The following EYS variants were observed in gnomAD, a reference collection of about 807,000 sequenced individuals.
The protein encoded by EYS is EGF-like photoreceptor maintenance factor.
EYS carries 250 observed loss-of-function variants against 282.1 expected under a neutral mutation model. The observed-to-expected ratio is 0.89, with a 90% confidence interval of 0.80 to 0.98. EYS has a LOEUF of 0.98. Ranked by LOEUF, EYS falls within the 50% of genes least tolerant of loss-of-function variation. The pLI is 0.00. For missense variants in EYS, 4,016 were observed against 3,709.0 expected (o/e 1.08, Z -2.15); for synonymous variants, 1,355 against 1,282.9 (o/e 1.06, Z -1.20).
chr6:65,125,781 A>G (rs1775701517), intron 12 of EYS, among the ~76,000 whole-genome samples: 1 of 152,020 alleles, frequency 6.6e-6, no homozygotes, highest in Admixed American at 6.6e-5. Context: ...ACCTCCTAAC[A>G]ATAAGGATCC....
At chr6:65,108,287 TA>T (rs780171367) in intron 12 of EYS, among the ~76,000 whole-genome samples, 1 of 139,224 alleles carries the variant, frequency 7.2e-6, no homozygotes, top group African/African-American at 2.8e-5. Flanking sequence ...AGGTTGACTT[TA>T]AAAAAATTAC....
chr6:64,100,348 C>T (rs1216618108), intron 31 of EYS, among the ~76,000 whole-genome samples: 1 of 152,010 alleles, frequency 6.6e-6, no homozygotes, highest in Non-Finnish European at 1.5e-5. Flanking sequence ...TATTACATTG[C>T]CTGGAATTTT....
intron 35 of EYS, among the ~76,000 whole-genome samples, chr6:63,977,753 T>C (rs2149787954): frequency 6.6e-6 from 1 of 152,078 alleles, no homozygotes; most frequent in Non-Finnish European, 1.5e-5. Context: ...ACAAAATCAA[T>C]ACAGAACCAT....
At chr6:64,877,387 C>T (rs1197314131) in intron 19 of EYS, among the ~76,000 whole-genome samples, 1 of 152,034 alleles carries the variant, frequency 6.6e-6, no homozygotes, top group African/African-American at 2.4e-5. Context: ...ATTCATAGAA[C>T]ATATTTGGGA....
At chr6:64,792,158 T>TGTCA (rs1048039959) in intron 22 of EYS, among the ~76,000 whole-genome samples, 29 of 151,896 alleles carry the variant, frequency 1.9e-4, no homozygotes, top group Non-Finnish European at 2.4e-4. Context: ...TATGGTATGA[T>TGTCA]GTCAGGTGGA....
At chr6:64,782,165 T>C (rs1562188913) in intron 22 of EYS, among the ~76,000 whole-genome samples, 1 of 152,250 alleles carries the variant, frequency 6.6e-6, no homozygotes, top group African/African-American at 2.4e-5. Context: ...AACAAGAATG[T>C]TGTAGAAACA....
intron 29 of EYS, among the ~76,000 whole-genome samples, chr6:64,314,311 A>T (rs375581768): frequency 2.6e-5 from 4 of 152,002 alleles, no homozygotes; most frequent in African/African-American, 4.8e-5. Flanking sequence ...TGGTAAAGGG[A>T]TTAATGCAAC....
At chr6:65,035,829 C>A (rs908920254) in intron 13 of EYS, among the ~76,000 whole-genome samples, 4 of 150,352 alleles carry the variant, frequency 2.7e-5, no homozygotes, top group African/African-American at 9.7e-5. Flanking sequence ...GCTATCCAGG[C>A]TCTTTTCTGG....
intron 2 of EYS, among the ~76,000 whole-genome samples, chr6:65,520,557 G>C (rs1026584248): frequency 6.6e-6 from 1 of 151,600 alleles, no homozygotes; most frequent in Non-Finnish European, 1.5e-5. Flanking sequence ...TTATTGCAGA[G>C]GTACAATTAT....
chr6:65,019,539 C>T (rs894714510), intron 13 of EYS, among the ~76,000 whole-genome samples: 2 of 152,138 alleles, frequency 1.3e-5, no homozygotes, highest in African/African-American at 4.8e-5. Context: ...CATCACACAA[C>T]TCATAGGTTT....
chr6:64,801,919 C>T (rs796554367), intron 22 of EYS, among the ~76,000 whole-genome samples: 33 of 151,652 alleles, frequency 2.2e-4, no homozygotes, highest in African/African-American at 7.7e-4. Flanking sequence ...TTGCCTATCT[C>T]ATGAAGTCCC....
intron 33 of EYS, among the ~76,000 whole-genome samples, chr6:64,036,025 G>A (rs1002013417): frequency 6.6e-6 from 1 of 152,144 alleles, no homozygotes; most frequent in Non-Finnish European, 1.5e-5. Flanking sequence ...TTTTGAACTA[G>A]AATTCTGATT....
intron 27 of EYS, among the ~76,000 whole-genome samples, chr6:64,436,756 T>A (rs1774765153): frequency 6.6e-6 from 1 of 151,848 alleles, no homozygotes; most frequent in African/African-American, 2.4e-5. Context: ...GAATTACTGT[T>A]AATGGCAACT....
chr6:64,990,202 A>C (rs1173745789), intron 14 of EYS, among the ~76,000 whole-genome samples: 1 of 151,558 alleles, frequency 6.6e-6, no homozygotes, highest in East Asian at 1.9e-4. Flanking sequence ...TTCTGAAAGA[A>C]AGTGTGATTT....
chr6:64,239,626 T>A (rs1444224120), intron 30 of EYS, among the ~76,000 whole-genome samples: 1 of 151,868 alleles, frequency 6.6e-6, no homozygotes, highest in Admixed American at 6.6e-5. Flanking sequence ...CTAAATTTGT[T>A]TAAGTTATTT....
chr6:65,445,640 A>G (rs753386370), intron 5 of EYS, among the ~76,000 whole-genome samples: 27 of 151,838 alleles, frequency 1.8e-4, no homozygotes, highest in Non-Finnish European at 2.7e-4. Context: ...ATTGGTTAAT[A>G]AGATGTGTAC....
chr6:64,540,421 C>A (rs961078889), intron 26 of EYS, among the ~76,000 whole-genome samples: 1 of 151,596 alleles, frequency 6.6e-6, no homozygotes, highest in Non-Finnish European at 1.5e-5. Flanking sequence ...TGCTTTGTAG[C>A]CCCACCCTCA....
chr6:65,164,934 C>G (rs1290639756), intron 12 of EYS, among the ~76,000 whole-genome samples: 2 of 151,212 alleles, frequency 1.3e-5, no homozygotes, highest in Non-Finnish European at 3.0e-5. Context: ...CAATTAGGGG[C>G]CACCATAATG....
chr6:64,811,950 A>C (rs1469318450), intron 22 of EYS, among the ~76,000 whole-genome samples: 1 of 152,106 alleles, frequency 6.6e-6, no homozygotes, highest in African/African-American at 2.4e-5. Flanking sequence ...ATGTTTACTT[A>C]TTTTGATAAT....
Sources: gnomAD v4.1 joint callset for allele counts (sites outside exome capture counted in the v4.1 genomes callset) on GRCh38, gnomAD v4.1.1 for gene constraint, MANE v1.5 for transcripts, NCBI Gene and HGNC (gene_info 2026-07-23, HGNC 2026-07-21) for gene names.